LINGO2: variants seen among roughly 807,000 people sequenced by gnomAD.
The protein encoded by LINGO2 is leucine rich repeat and Ig domain containing 2, also known as leucine-rich repeat and immunoglobulin-like domain-containing nogo receptor-interacting protein 2.
In LINGO2, 14 loss-of-function variants were observed where a neutral mutation model predicts 30.6. The observed-to-expected ratio is 0.46, with a 90% CI of 0.30 to 0.72. The LOEUF (loss-of-function observed/expected upper bound fraction) is 0.72. LINGO2 is among the 30% of genes least tolerant of loss of function. The pLI, the probability that LINGO2 is intolerant of heterozygous loss-of-function variation, is 0.07. For synonymous variants in LINGO2, 317 were observed against 288.5 expected (o/e 1.10, Z -1.00); for missense variants, 729 against 751.7 (o/e 0.97, Z 0.35).
chr9:29,146,112 A>T, the LINGO2 span, among the ~76,000 whole-genome samples: 103 of 152,298 alleles, frequency 6.8e-4, no homozygotes, highest in African/African-American at 2.3e-3. Flanking sequence ...TGAATAATAA[A>T]GCTGCACTAG....
chr9:28,803,302 AGT>A, the LINGO2 span, among the ~76,000 whole-genome samples: 4 of 150,642 alleles, frequency 2.7e-5, no homozygotes, highest in Admixed American at 6.6e-5. Flanking sequence ...TATTTTTAGG[AGT>A]GTGTGTGTGT....
chr9:29,183,438 C>T, the LINGO2 span, among the ~76,000 whole-genome samples: 1,101 of 152,236 alleles, frequency 7.2e-3, 6 homozygotes, highest in Non-Finnish European at 0.011. Context: ...TGATAGTGTC[C>T]ACAGTACCTT....
the LINGO2 span, among the ~76,000 whole-genome samples, chr9:28,731,941 TAGAGAA>T: frequency 6.6e-6 from 1 of 152,098 alleles, no homozygotes; most frequent in Non-Finnish European, 1.5e-5. Context: ...TTCTAGAACT[TAGAGAA>T]AGATGTGGAG....
intron 2 of LINGO2, among the ~76,000 whole-genome samples, chr9:28,415,129 G>A (rs1249579783): frequency 1.3e-5 from 2 of 152,144 alleles, no homozygotes; most frequent in South Asian, 2.1e-4. Flanking sequence ...CAAAATCACT[G>A]ATAATGACAA....
intron 3 of LINGO2, among the ~76,000 whole-genome samples, chr9:28,339,393 A>G (rs530843326): frequency 2.6e-5 from 4 of 152,290 alleles, no homozygotes; most frequent in African/African-American, 4.8e-5. Flanking sequence ...TTCTATGTCT[A>G]AAAATGGGAT....
the LINGO2 span, among the ~76,000 whole-genome samples, chr9:29,106,287 C>T: frequency 1.3e-5 from 2 of 152,110 alleles, no homozygotes; most frequent in African/African-American, 4.8e-5. Flanking sequence ...AATAATCGTG[C>T]TGTCACTTAC....
chr9:28,263,026 C>T (rs1822619761), intron 4 of LINGO2, among the ~76,000 whole-genome samples: 1 of 151,968 alleles, frequency 6.6e-6, no homozygotes, highest in Admixed American at 6.6e-5. Context: ...TAGCTGGGTT[C>T]CCGTCTCCTA....
chr9:29,200,827 A>G, the LINGO2 span, among the ~76,000 whole-genome samples: 85 of 152,178 alleles, frequency 5.6e-4, 1 homozygote, highest in Middle Eastern at 3.4e-3. Flanking sequence ...ACAGTTTCTC[A>G]GACTTTCCTT....
At chr9:28,182,807 A>G (rs1451178455) in intron 4 of LINGO2, among the ~76,000 whole-genome samples, 2 of 152,220 alleles carry the variant, frequency 1.3e-5, no homozygotes, top group African/African-American at 2.4e-5. Flanking sequence ...TCAGGAAACA[A>G]CAGATGCTGG....
chr9:28,632,766 T>C lies in LINGO2; in HGVS notation c.-365+37434A>G, dbSNP rs189591247. Among the ~76,000 whole-genome samples, 528 of 99,712 alleles carry C rather than the reference T, an allele frequency of 5.3e-3. 5 individuals carry two copies. The highest frequency in any genetic ancestry group is 0.015 in the African/African-American group (441 of 29,718). The allele number at this position is 99,712 out of a possible 152,430, so 65.4% of individuals were successfully genotyped here. A position where few individuals can be genotyped will look rare whatever the true frequency, so the allele number is the denominator to read the frequency against. The stretch of plus-strand genomic sequence containing the variant: ...TATATATAGATCTATATATATAGAT[T>C]TATATATTATATATCGATTTATATT... On this transcript the variant is annotated intron_variant, in intron 1 of 5. Coordinates refer to ENST00000379992, the Ensembl canonical transcript of LINGO2.
the LINGO2 span, among the ~76,000 whole-genome samples, chr9:29,208,571 A>G: frequency 6.6e-6 from 1 of 152,162 alleles, no homozygotes; most frequent in African/African-American, 2.4e-5. Flanking sequence ...ATGATGCATT[A>G]CTGAAGTTTT....
At chr9:28,699,291 G>A in the LINGO2 span, among the ~76,000 whole-genome samples, 11 of 152,116 alleles carry the variant, frequency 7.2e-5, no homozygotes, top group South Asian at 2.3e-3. Context: ...GTTGTGGGAA[G>A]TCAGGGACCC....
the LINGO2 span, among the ~76,000 whole-genome samples, chr9:29,057,616 T>C: frequency 6.6e-6 from 1 of 152,010 alleles, no homozygotes; most frequent in Non-Finnish European, 1.5e-5. Context: ...CAGCTTGAAT[T>C]TGTGAGATGG....
At chr9:28,363,499 C>T (rs1820537884) in intron 3 of LINGO2, among the ~76,000 whole-genome samples, 2 of 152,144 alleles carry the variant, frequency 1.3e-5, no homozygotes, top group African/African-American at 4.8e-5. Flanking sequence ...GTAATAGTCA[C>T]ATTGACTAAA....
At chr9:29,189,269 G>A in the LINGO2 span, among the ~76,000 whole-genome samples, 1 of 150,678 alleles carries the variant, frequency 6.6e-6, no homozygotes, top group East Asian at 2.0e-4. Context: ...GCCTGGCGGG[G>A]GGCTGACCGC....
chr9:29,079,190 G>C, the LINGO2 span, among the ~76,000 whole-genome samples: 1 of 151,856 alleles, frequency 6.6e-6, no homozygotes, highest in Non-Finnish European at 1.5e-5. Context: ...TGAGCTGGAA[G>C]ACAAGCACCA....
chr9:29,083,044 A>G, the LINGO2 span, among the ~76,000 whole-genome samples: 1 of 152,140 alleles, frequency 6.6e-6, no homozygotes, highest in Non-Finnish European at 1.5e-5. Flanking sequence ...AGGGATCTAG[A>G]ACTAGAAATA....
chr9:29,127,984 A>G, the LINGO2 span, among the ~76,000 whole-genome samples: 1 of 152,108 alleles, frequency 6.6e-6, no homozygotes, highest in African/African-American at 2.4e-5. Context: ...TAAGGACAAA[A>G]GAAACACACC....
In LINGO2 at chr9:28,332,585, G is replaced by GAA. The variant is rs5897281; in HGVS notation, c.-245-37221_-245-37220dup. 9.0e-4 allele frequency among the ~76,000 whole-genome samples: 127 copies of GAA among 140,560 alleles called. 2 individuals are homozygous for GAA. In the East Asian group the frequency reaches 0.026, roughly 29 times the overall value. The allele number at this position is 140,560 out of a possible 152,430, so 92.2% of individuals were successfully genotyped here. On this transcript the variant is annotated intron_variant, in intron 3 of 5. Transcript: ENST00000379992. Reference sequence around the variant, plus strand: ...TGAAATGGGATAAAAATTAAGTACAGAAAAAAAAAAAGGCAGGGGGAATGG... The same window carrying GAA: ...TGAAATGGGATAAAAATTAAGTACAGAAAAAAAAAAAAAGGCAGGGGGAATGG...
Sources: allele counts gnomAD v4.1 joint callset (sites outside exome capture counted in the v4.1 genomes callset), GRCh38; gene constraint gnomAD v4.1.1; transcripts MANE v1.5; gene names NCBI Gene and HGNC (gene_info 2026-07-23, HGNC 2026-07-21).